The following TRPM8 variants were observed in gnomAD, a reference collection of about 807,000 sequenced individuals.
TRPM8 encodes TRPM8 cationic channel.
Under a neutral mutation model 133.7 loss-of-function variants are expected in TRPM8, and 110 were observed. The ratio of observed to expected loss-of-function variants is 0.82; its 90% CI spans 0.70 to 0.96. The LOEUF (loss-of-function observed/expected upper bound fraction) is 0.96, where lower values mean the gene tolerates loss of function less well. TRPM8 is among the 40% of genes least tolerant of loss of function. The probability of loss-of-function intolerance (pLI) is 0.00; values close to 1 mark genes in which losing one functional copy is unlikely to be tolerated. For synonymous variants in TRPM8, 535 were observed against 532.3 expected, an observed-to-expected ratio of 1.01 and a Z score of -0.07; for missense variants, 1,291 against 1,379.5, an observed-to-expected ratio of 0.94 and a Z score of 1.02.
At chr2:233,976,689 C>G (rs943461877) in intron 17 of TRPM8, among the ~76,000 whole-genome samples, 2 of 152,056 alleles carry the variant, frequency 1.3e-5, no homozygotes, top group African/African-American at 4.8e-5. Context: ...ACTCAGCAAT[C>G]CTGGGTATGA....
rs756276969 is a variant in TRPM8, at chr2:233,945,905, T to C, written c.749T>C (p.Leu250Pro). The change falls in exon 7 of 26, where the codon CTG becomes CCG. Residue 250 changes from leucine (L) to proline (P), a missense_variant. Physicochemically the swap from Leu to Pro is moderately conservative, Grantham distance 98. Around this residue, in one of 2 missense-constraint regions of TRPM8, gnomAD observed 963 missense variants for 968.9 expected, o/e 0.99. Coordinates refer to ENST00000324695, the MANE Select transcript of TRPM8 (RefSeq NM_024080.5). ...YLMDDFTRDP[L>P]YILDNNHTHL... ...ATGGATGACTTCACAAGAGATCCACTGTATATCCTGGACAACAACCACACA... is the reference window on the plus strand; with the variant it reads ...ATGGATGACTTCACAAGAGATCCACCGTATATCCTGGACAACAACCACACA... 1.9e-6 allele frequency: 3 copies of C among 1,614,200 alleles called. No individual in the cohort carries two copies. Among genetic ancestry groups the C allele is most frequent in the Admixed American group, 3.3e-5 (2 of 60,032 alleles).
At chr2:234,004,429 C>T (rs563436763) in intron 22 of TRPM8, among the ~76,000 whole-genome samples, 4 of 152,314 alleles carry the variant, frequency 2.6e-5, no homozygotes, top group South Asian at 2.1e-4. Flanking sequence ...CAGCACTTGG[C>T]GGCTGCCAGG....
intron 11 of TRPM8, among the ~76,000 whole-genome samples, chr2:233,960,522 C>T (rs1272573677): frequency 2.0e-5 from 3 of 152,164 alleles, no homozygotes; most frequent in Non-Finnish European, 4.4e-5. Context: ...CAAGTCACAT[C>T]CAAATTCACA....
intron 11 of TRPM8, 119 bp downstream of exon 11, chr2:233,955,369 C>T: frequency 1.4e-6 from 1 of 712,248 alleles, no homozygotes; most frequent in South Asian, 2.0e-5. Flanking sequence ...TTGTTCTGTT[C>T]CAGAATATCA....
intron 22 of TRPM8, among the ~76,000 whole-genome samples, chr2:234,004,884 T>C (rs1418120223): frequency 6.6e-6 from 1 of 152,328 alleles, no homozygotes; most frequent in Middle Eastern, 3.4e-3. Flanking sequence ...ATTTAACTAA[T>C]AATACATCGC....
At chr2:233,917,540 T>C (rs1691327424) in intron 1 of TRPM8, 108 bp downstream of exon 1, 1 of 152,206 alleles carries the variant, frequency 6.6e-6, no homozygotes, top group Admixed American at 6.5e-5. Context: ...TTAGTTTTTC[T>C]ATGAAGATTT....
intron 21 of TRPM8, among the ~76,000 whole-genome samples, chr2:233,992,209 C>G (rs550187208): frequency 2.0e-5 from 3 of 152,010 alleles, no homozygotes; most frequent in Non-Finnish European, 2.9e-5. Context: ...TACTAAATTA[C>G]TTTTCTTTTT....
Position 233,942,915 on chromosome 2 carries a change from A to T in TRPM8, c.699+167A>T, listed in dbSNP as rs28901631. ...CTTAAAGGAATTGAAAACAAGGATG[A>T]CGTACCTAATTAACTGCTGGGAAAG... On this transcript the variant is annotated intron_variant, in intron 6 of 25. Coordinates refer to ENST00000324695, the MANE Select transcript of TRPM8 (RefSeq NM_024080.5). The T allele has an allele frequency of 0.011, 7,715 of 699,094 alleles. 408 individuals carry two copies. In the African/African-American group the frequency reaches 0.12, roughly 11 times the overall value. 43.3% of individuals were successfully genotyped at this position (699,094 alleles called of 1,614,324 possible). A position where few individuals can be genotyped will look rare whatever the true frequency, so the allele number is the denominator to read the frequency against.
chr2:233,982,009 G>A, intron 19 of TRPM8, 94 bp downstream of exon 19: 2 of 1,326,660 alleles, frequency 1.5e-6, no homozygotes, highest in Non-Finnish European at 2.0e-6. Flanking sequence ...TAGAACGACT[G>A]TTGCATTTCA....
chr2:233,928,507 C>T (rs1310146505), intron 2 of TRPM8, among the ~76,000 whole-genome samples: 12 of 152,194 alleles, frequency 7.9e-5, no homozygotes, highest in Non-Finnish European at 1.2e-4. Context: ...AAAAAATCAT[C>T]ACCCTTCTTC....
chr2:234,010,918 A>G (rs1692821385), intron 24 of TRPM8, among the ~76,000 whole-genome samples: 1 of 152,206 alleles, frequency 6.6e-6, no homozygotes, highest in Non-Finnish European at 1.5e-5. Context: ...TTCCCACTTC[A>G]TAGGTTGCCC....
intron 22 of TRPM8, 28 bp downstream of exon 22, chr2:233,996,544 G>A: frequency 1.9e-6 from 3 of 1,605,010 alleles, no homozygotes; most frequent in Non-Finnish European, 1.7e-6. Context: ...GTGTACTTGG[G>A]ATCAGAAGCA....
chr2:233,955,858 A>G (rs756737237), intron 11 of TRPM8, among the ~76,000 whole-genome samples: 23 of 152,206 alleles, frequency 1.5e-4, no homozygotes, highest in South Asian at 4.1e-4. Flanking sequence ...CATTGCTCAC[A>G]TTACCGCCTG....
chr2:234,002,640 A>G (rs2125379772), intron 22 of TRPM8, among the ~76,000 whole-genome samples: 1 of 152,262 alleles, frequency 6.6e-6, no homozygotes, highest in East Asian at 1.9e-4. Flanking sequence ...GGGTCGTGAG[A>G]TGCCTCCCCA....
Position 233,966,629 on chromosome 2 carries a change from C to T in TRPM8, c.1899C>T (p.Tyr633=). The change falls in exon 15 of 26, where the codon TAC becomes TAT. Residue 633 remains tyrosine, a synonymous_variant. Transcript: ENST00000324695. The part of the protein sequence containing the change: ...TRAVELFTEC[Y]SSDEDLAEQL... ...CTGTAGAGCTGTTCACTGAGTGTTA[C>T]AGCAGCGATGAAGACTTGGCAGAAC... The T allele has an allele frequency of 1.2e-6, 2 of 1,614,134 alleles. No individual in the cohort carries two copies. The highest frequency in any genetic ancestry group is 1.7e-6 in the Non-Finnish European group (2 of 1,180,032).
chr2:233,952,198 C>T (rs1189316706), intron 9 of TRPM8, among the ~76,000 whole-genome samples: 1 of 152,182 alleles, frequency 6.6e-6, no homozygotes, highest in Non-Finnish European at 1.5e-5. Context: ...GAAATAGGCA[C>T]TTCAGAAAGA....
At position 233,953,923 on chromosome 2, in the gene TRPM8, G is replaced by T; in HGVS notation, c.1147G>T (p.Glu383Ter). ...TGTTCTTTAATTTCGCCAGCTCAAA[G>T]AAATTCTCGAATGTTCTCACCTATT... The part of the protein sequence containing the change: ...ETESWIKWLK[E>*]ILECSHLLTV... The change falls in exon 10 of 26, where the codon GAA (glutamate) becomes TAA (stop). Residue 383 changes from glutamate (E) to a stop codon, truncating the protein, a stop_gained. Coordinates refer to ENST00000324695, the MANE Select transcript of TRPM8 (RefSeq NM_024080.5). LOFTEE classifies it high-confidence loss of function. The T allele has an allele frequency of 6.2e-7, 1 of 1,611,166 alleles. No homozygotes were observed. The highest frequency in any genetic ancestry group is 1.1e-5 in the South Asian group (1 of 89,898).
intron 24 of TRPM8, among the ~76,000 whole-genome samples, chr2:234,012,838 A>C (rs1284031389): frequency 6.6e-6 from 1 of 151,366 alleles, no homozygotes; most frequent in African/African-American, 2.4e-5. Context: ...AAAGGCCTTG[A>C]ATTTTGTCAA....
At chr2:233,930,579 G>T in intron 2 of TRPM8, 89 bp from the exon 3 acceptor site, 1 of 813,148 alleles carries the variant, frequency 1.2e-6, no homozygotes, top group East Asian at 2.7e-5. Context: ...AGCCTTTGAA[G>T]TGGGGTTACA....
Sources: gnomAD v4.1 joint callset for allele counts (sites outside exome capture counted in the v4.1 genomes callset) on GRCh38, gnomAD v4.1.1 for gene constraint, gnomAD v4.1.1 regional missense constraint, MANE v1.5 for transcripts, NCBI Gene and HGNC (gene_info 2026-07-23, HGNC 2026-07-21) for gene names.